The following NRXN3 variants were observed in gnomAD, a reference collection of about 807,000 sequenced individuals.
NRXN3 encodes the protein neurexin 3.
NRXN3 carries 32 observed loss-of-function variants against 137.6 expected under a neutral mutation model. That is an observed-to-expected ratio of 0.23 (90% confidence interval 0.18 to 0.31). NRXN3 has a LOEUF of 0.31. Ranked by LOEUF, NRXN3 falls within the 10% of genes least tolerant of loss-of-function variation. The probability of loss-of-function intolerance (pLI) is 1.00; values close to 1 mark genes in which losing one functional copy is unlikely to be tolerated. For synonymous variants in NRXN3, 798 were observed against 784.5 expected, an observed-to-expected ratio of 1.02 and a Z score of -0.29; for missense variants, 1,574 against 2,062.5, an observed-to-expected ratio of 0.76 and a Z score of 4.59.
At chr14:79,300,683 A>G (rs1417139679) in intron 15 of NRXN3, among the ~76,000 whole-genome samples, 1 of 151,904 alleles carries the variant, frequency 6.6e-6, no homozygotes, top group African/African-American at 2.4e-5. Context: ...ATCATACAAG[A>G]ACACTTTCGC....
At chr14:79,316,820 A>G (rs112775686) in intron 15 of NRXN3, among the ~76,000 whole-genome samples, 2 of 151,924 alleles carry the variant, frequency 1.3e-5, no homozygotes, top group Non-Finnish European at 2.9e-5. Context: ...AAGTTTTCCT[A>G]TATTAGGAAG....
At chr14:79,255,060 A>G (rs1257716598) in intron 15 of NRXN3, among the ~76,000 whole-genome samples, 1 of 152,220 alleles carries the variant, frequency 6.6e-6, no homozygotes, top group South Asian at 2.1e-4. Flanking sequence ...TCCTTCTTTC[A>G]TAACAGACCA....
intron 19 of NRXN3, among the ~76,000 whole-genome samples, chr14:79,770,280 G>A (rs2099072775): frequency 6.6e-6 from 1 of 152,034 alleles, no homozygotes; most frequent in Admixed American, 6.6e-5. Context: ...GGACCTAATA[G>A]ACATCTCCAG....
intron 16 of NRXN3, among the ~76,000 whole-genome samples, chr14:79,500,251 A>AAC (rs1281587011): frequency 1.0e-3 from 147 of 142,630 alleles, no homozygotes; most frequent in Non-Finnish European, 1.0e-3. Flanking sequence ...AAAAAAAAAA[A>AAC]AAAAACCCAT....
chr14:78,745,377 C>A (rs2098602346), intron 8 of NRXN3: 1 of 152,458 alleles, frequency 6.6e-6, no homozygotes, highest in African/African-American at 2.4e-5. Context: ...CTTCACTCAC[C>A]CCTCATCTTC....
chr14:78,685,307 T>C (rs777936225), intron 6 of NRXN3, among the ~76,000 whole-genome samples: 4 of 152,184 alleles, frequency 2.6e-5, no homozygotes, highest in Non-Finnish European at 5.9e-5. Context: ...CTCTTAAAAA[T>C]GTAAGAGGCA....
At chr14:78,691,059 T>G (rs1319576520) in intron 6 of NRXN3, among the ~76,000 whole-genome samples, 1 of 151,840 alleles carries the variant, frequency 6.6e-6, no homozygotes, top group Non-Finnish European at 1.5e-5. Flanking sequence ...CAGAAATGAG[T>G]CATCAAAGAG....
chr14:79,085,119 C>G (rs1221712622), intron 15 of NRXN3, among the ~76,000 whole-genome samples: 4 of 152,038 alleles, frequency 2.6e-5, no homozygotes, highest in African/African-American at 9.7e-5. Context: ...GGATGGAATC[C>G]TAAGCACTTA....
At chr14:79,002,723 G>A (rs2099544194) in intron 15 of NRXN3, among the ~76,000 whole-genome samples, 1 of 151,988 alleles carries the variant, frequency 6.6e-6, no homozygotes, top group Admixed American at 6.6e-5. Context: ...TAGTCCTTTG[G>A]GTATATACCC....
intron 4 of NRXN3, among the ~76,000 whole-genome samples, chr14:78,612,800 C>A (rs150220125): frequency 6.6e-6 from 1 of 152,328 alleles, no homozygotes; most frequent in Non-Finnish European, 1.5e-5. Context: ...CTCTGGCAGC[C>A]ATCCCCAGTT....
chr14:79,451,851 T>A (rs2096178305), intron 15 of NRXN3, among the ~76,000 whole-genome samples: 1 of 152,044 alleles, frequency 6.6e-6, no homozygotes, highest in Non-Finnish European at 1.5e-5. Context: ...GCAGCCAGAG[T>A]CAGAGGAAAT....
chr14:79,354,394 C>T (rs1215155033), intron 15 of NRXN3, among the ~76,000 whole-genome samples: 6 of 152,114 alleles, frequency 3.9e-5, no homozygotes, highest in Non-Finnish European at 8.8e-5. Context: ...ATAAATGTAT[C>T]ACCAAAAAAT....
At chr14:79,191,693 C>A (rs1014350977) in intron 15 of NRXN3, among the ~76,000 whole-genome samples, 5 of 152,140 alleles carry the variant, frequency 3.3e-5, no homozygotes, top group Non-Finnish European at 7.3e-5. Flanking sequence ...TGAAATCTTG[C>A]AACAACCCAG....
At chr14:79,157,424 T>C (rs1568454742) in intron 15 of NRXN3, among the ~76,000 whole-genome samples, 1 of 151,798 alleles carries the variant, frequency 6.6e-6, no homozygotes, top group Non-Finnish European at 1.5e-5. Context: ...AAAGCTGGGA[T>C]TGCTTTTTGG....
intron 14 of NRXN3, among the ~76,000 whole-genome samples, chr14:78,981,885 T>C (rs2099490420): frequency 6.6e-6 from 1 of 152,222 alleles, no homozygotes; most frequent in Non-Finnish European, 1.5e-5. Context: ...AAATAGGCTC[T>C]GTTTAGGAAA....
chr14:78,228,348 G>A (rs2064959258), intron 1 of NRXN3, among the ~76,000 whole-genome samples: 1 of 151,886 alleles, frequency 6.6e-6, no homozygotes, highest in African/African-American at 2.4e-5. Flanking sequence ...CTAGAGATGG[G>A]GTTTCACCAT....
At chr14:79,299,253 A>G (rs2084728380) in intron 15 of NRXN3, among the ~76,000 whole-genome samples, 3 of 152,126 alleles carry the variant, frequency 2.0e-5, no homozygotes, top group Non-Finnish European at 4.4e-5. Flanking sequence ...GTAAATAGTG[A>G]TCATGATAAA....
chr14:78,952,234 T>G (rs1016816412), intron 10 of NRXN3, among the ~76,000 whole-genome samples: 1 of 99,956 alleles, frequency 1.0e-5, no homozygotes, highest in Non-Finnish European at 1.8e-5. Context: ...ATTTAAAATG[T>G]TTTTTTTTTC....
In NRXN3 at chr14:78,803,492, T is replaced by C. The variant is rs934038437; in HGVS notation, c.2045-128T>C. On this transcript the variant is annotated intron_variant, in intron 8 of 20. Coordinates refer to ENST00000335750, the MANE Select transcript of NRXN3 (RefSeq NM_001330195.2). ...GATTAAAAGGTGGTAACAACAAGGG[T>C]TCATCAAACACAAGTCACTAGGCTA... 6 of 798,096 alleles carry C rather than the reference T, an allele frequency of 7.5e-6. No homozygotes were observed. In the Admixed American group the frequency reaches 1.1e-4, roughly 15 times the overall value. The allele number at this position is 798,096 out of a possible 1,614,324, so 49.4% of individuals were successfully genotyped here.
Sources: gnomAD v4.1 joint callset for allele counts (sites outside exome capture counted in the v4.1 genomes callset) on GRCh38, gnomAD v4.1.1 for gene constraint, MANE v1.5 for transcripts, NCBI Gene and HGNC (gene_info 2026-07-23, HGNC 2026-07-21) for gene names.